TNNI3K: variants seen among roughly 807,000 people sequenced by gnomAD.
TNNI3K encodes the protein serine/threonine-protein kinase TNNI3K.
Under a neutral mutation model 114.5 loss-of-function variants are expected in TNNI3K, and 140 were observed. The ratio of observed to expected loss-of-function variants is 1.22; its 90% CI spans 1.07 to 1.41. TNNI3K has a LOEUF of 1.41. TNNI3K is among the 40% of genes most tolerant of loss of function. The pLI, the probability that TNNI3K is intolerant of heterozygous loss-of-function variation, is 0.00. For missense variants in TNNI3K, 1,125 were observed against 1,007.6 expected, an observed-to-expected ratio of 1.12 and a Z score of -1.58; for synonymous variants, 347 against 347.5, an observed-to-expected ratio of 1.00 and a Z score of 0.02.
intron 21 of TNNI3K, chr1:74,480,701 A>G: frequency 1.4e-6 from 1 of 717,420 alleles, no homozygotes; most frequent in Non-Finnish European, 2.6e-6. Flanking sequence ...TAGGGTGCGG[A>G]GAGCATTATT....
At chr1:74,301,349 G>A (rs1023932140) in intron 5 of TNNI3K, among the ~76,000 whole-genome samples, 81 of 152,120 alleles carry the variant, frequency 5.3e-4, no homozygotes, top group Middle Eastern at 3.4e-3. Context: ...GCAGTGAGCC[G>A]AGATCGAGCC....
At chr1:74,485,518 A>T (rs908986300) in intron 21 of TNNI3K, among the ~76,000 whole-genome samples, 39 of 152,294 alleles carry the variant, frequency 2.6e-4, no homozygotes, top group African/African-American at 9.1e-4. Flanking sequence ...GACCTGCAAG[A>T]TTCCTGTCCC....
chr1:74,317,967 C>A (rs1316710244), intron 5 of TNNI3K, among the ~76,000 whole-genome samples: 1 of 152,174 alleles, frequency 6.6e-6, no homozygotes, highest in African/African-American at 2.4e-5. Flanking sequence ...ATTTTATGAA[C>A]TATAGCCACC....
At chr1:74,502,670 G>A (rs1204669668) in intron 23 of TNNI3K, among the ~76,000 whole-genome samples, 3 of 152,138 alleles carry the variant, frequency 2.0e-5, no homozygotes, top group African/African-American at 7.2e-5. Flanking sequence ...CTCTGTCTAT[G>A]GCCAATAGCC....
At chr1:74,375,724 C>T in intron 17 of TNNI3K, 1 of 387,588 alleles carries the variant, frequency 2.6e-6, no homozygotes, top group African/African-American at 2.1e-5. Flanking sequence ...TTTCAGACCC[C>T]TACCCACCAA....
intron 5 of TNNI3K, among the ~76,000 whole-genome samples, chr1:74,324,876 A>G (rs548974956): frequency 2.0e-5 from 3 of 152,214 alleles, no homozygotes; most frequent in Non-Finnish European, 2.9e-5. Flanking sequence ...TCTGCTGCTC[A>G]GTTGTGCTAG....
chr1:74,235,962 T>C, intron 1 of TNNI3K, 140 bp from the exon 2 acceptor site: 1 of 542,006 alleles, frequency 1.8e-6, no homozygotes, highest in South Asian at 2.9e-5. Flanking sequence ...ATCTGCATTT[T>C]AAACACACAA....
intron 6 of TNNI3K, among the ~76,000 whole-genome samples, chr1:74,332,897 CTA>C (rs1189122479): frequency 7.2e-6 from 1 of 138,520 alleles, no homozygotes; most frequent in Non-Finnish European, 1.5e-5. Flanking sequence ...GACAAAATTT[CTA>C]TGTTTCTTTA....
In TNNI3K at chr1:74,459,197, A is replaced by G. The variant is rs565272929; in HGVS notation, c.2012-4244A>G. ...AATAATGTCCATTGCAGCAACATGG[A>G]TGTAGCTGGAGGCCATTATCCTAAG... On this transcript the variant is annotated intron_variant, in intron 20 of 24. Coordinates refer to ENST00000326637, the MANE Select transcript of TNNI3K (RefSeq NM_015978.3). Among the ~76,000 whole-genome samples the G allele has an allele frequency of 1.3e-3, 199 of 152,350 alleles. 1 individual carries two copies. The highest frequency in any genetic ancestry group is 4.6e-3 in the African/African-American group (191 of 41,584).
In TNNI3K at chr1:74,489,183, T is replaced by C; in HGVS notation, c.2122-6T>C. The C allele has an allele frequency of 6.2e-7, 1 of 1,610,056 alleles. No homozygotes were observed. Among genetic ancestry groups the C allele is most frequent in the East Asian group, 2.2e-5 (1 of 44,666 alleles). On this transcript the variant is annotated splice_polypyrimidine_tract_variant and splice_region_variant and intron_variant, in intron 21 of 24. Coordinates refer to ENST00000326637, the MANE Select transcript of TNNI3K (RefSeq NM_015978.3). Reference sequence around the variant, plus strand: ...AAGGGAAAAAAGTTCTTTTTTCTATTTACAGGGAAGACCCGAATTTTCTGA... The same window carrying C: ...AAGGGAAAAAAGTTCTTTTTTCTATCTACAGGGAAGACCCGAATTTTCTGA...
intron 17 of TNNI3K, among the ~76,000 whole-genome samples, chr1:74,391,876 C>G (rs1209305085): frequency 6.6e-6 from 1 of 150,996 alleles, no homozygotes; most frequent in Non-Finnish European, 1.5e-5. Context: ...GAAGTTATCA[C>G]TATGCTGAAT....
Position 74,401,480 on chromosome 1 carries a change from A to G in TNNI3K, c.1772+31088A>G, listed in dbSNP as rs149461917. Among the ~76,000 whole-genome samples, 470 of 152,368 alleles carry G rather than the reference A, an allele frequency of 3.1e-3. 6 individuals carry two copies. Among genetic ancestry groups the G allele is most frequent in the African/African-American group, 0.01 (435 of 41,586 alleles). On this transcript the variant is annotated intron_variant, in intron 17 of 24. Coordinates refer to ENST00000326637, the MANE Select transcript of TNNI3K (RefSeq NM_015978.3). ...CATTTTGTAACAAAAAAGAAAATAT[A>G]TAAATAGCTTGCCATTGTTTGGTAA...
At chr1:74,330,083 C>T (rs192455395) in intron 5 of TNNI3K, among the ~76,000 whole-genome samples, 1 of 152,006 alleles carries the variant, frequency 6.6e-6, no homozygotes, top group East Asian at 1.9e-4. Context: ...ATGTGTTGAA[C>T]AGAAAAGAGA....
intron 5 of TNNI3K, among the ~76,000 whole-genome samples, chr1:74,289,784 C>T (rs950288014): frequency 6.6e-6 from 1 of 151,956 alleles, no homozygotes; most frequent in African/African-American, 2.4e-5. Flanking sequence ...TAGTCCTTCT[C>T]CAACTTGATT....
At chr1:74,494,134 G>A (rs1474553004) in intron 23 of TNNI3K, among the ~76,000 whole-genome samples, 1 of 152,080 alleles carries the variant, frequency 6.6e-6, no homozygotes, top group Non-Finnish European at 1.5e-5. Flanking sequence ...GTCCACGTGA[G>A]CACCAAAGCA....
chr1:74,485,754 T>C (rs75485419), intron 21 of TNNI3K, among the ~76,000 whole-genome samples: 2,923 of 152,168 alleles, frequency 0.019, 93 homozygotes, highest in African/African-American at 0.066. Context: ...AAAAAGCAAA[T>C]AGCCATGTTG....
chr1:74,511,973 G>A (rs1670250339), intron 23 of TNNI3K, among the ~76,000 whole-genome samples: 1 of 152,186 alleles, frequency 6.6e-6, no homozygotes, highest in Non-Finnish European at 1.5e-5. Flanking sequence ...AAAAGAACAT[G>A]GAGTCAAGTA....
intron 23 of TNNI3K, among the ~76,000 whole-genome samples, chr1:74,495,316 T>G (rs985992191): frequency 6.6e-6 from 1 of 152,220 alleles, no homozygotes; most frequent in Non-Finnish European, 1.5e-5. Context: ...GTAAAGCGTT[T>G]AGCTAAGTTT....
intron 4 of TNNI3K, among the ~76,000 whole-genome samples, chr1:74,257,265 A>G (rs985838064): frequency 6.6e-5 from 10 of 152,172 alleles, no homozygotes; most frequent in African/African-American, 2.2e-4. Context: ...TTTCTCTGCT[A>G]TGATGACACA....
Sources: allele counts gnomAD v4.1 joint callset (sites outside exome capture counted in the v4.1 genomes callset), GRCh38; gene constraint gnomAD v4.1.1; transcripts MANE v1.5; gene names NCBI Gene and HGNC (gene_info 2026-07-23, HGNC 2026-07-21).